The following VPS13B variants were observed in gnomAD, a reference collection of about 807,000 sequenced individuals.
VPS13B encodes intermembrane lipid transfer protein VPS13B.
VPS13B carries 285 observed loss-of-function variants against 426.4 expected under a neutral mutation model. The ratio of observed to expected loss-of-function variants is 0.67; its 90% CI spans 0.61 to 0.74. The LOEUF (loss-of-function observed/expected upper bound fraction) is 0.74, where lower values mean the gene tolerates loss of function less well. Ranked by LOEUF, VPS13B falls within the 30% of genes least tolerant of loss-of-function variation. The probability of loss-of-function intolerance (pLI) is 0.00; values close to 1 mark genes in which losing one functional copy is unlikely to be tolerated. For synonymous variants in VPS13B, 1,676 were observed against 1,676.4 expected (o/e 1.00, Z 0.01); for missense variants, 4,537 against 4,782.6 (o/e 0.95, Z 1.51).
chr8:99,442,308 CT>C (rs1563732356), intron 22 of VPS13B, 92 bp from the exon 23 acceptor site: 5 of 1,072,436 alleles, frequency 4.7e-6, no homozygotes, highest in Non-Finnish European at 7.1e-6. Context: ...GGAACATTTA[CT>C]TTTTTTGGTT....
At chr8:99,620,019 G>T (rs1385169329) in intron 33 of VPS13B, among the ~76,000 whole-genome samples, 1 of 151,810 alleles carries the variant, frequency 6.6e-6, no homozygotes, top group Non-Finnish European at 1.5e-5. Context: ...ATAAGTGAAA[G>T]TTCCTTTTTC....
At chr8:99,485,280 A>G (rs1820242316) in intron 25 of VPS13B, among the ~76,000 whole-genome samples, 1 of 152,258 alleles carries the variant, frequency 6.6e-6, no homozygotes, top group South Asian at 2.1e-4. Context: ...TCATTTTGTT[A>G]TAACAAGAGA....
At chr8:99,249,890 C>T (rs1425599530) in intron 17 of VPS13B, among the ~76,000 whole-genome samples, 1 of 151,724 alleles carries the variant, frequency 6.6e-6, no homozygotes, top group Non-Finnish European at 1.5e-5. Flanking sequence ...GCCTGGGTGA[C>T]AGAGGAAGAC....
chr8:99,384,436 C>A, intron 20 of VPS13B, 119 bp downstream of exon 20: 1 of 776,684 alleles, frequency 1.3e-6, no homozygotes, highest in Non-Finnish European at 2.1e-6. Flanking sequence ...TCCTTTGTCT[C>A]CCCACCTTAC....
At chr8:99,735,594 C>A (rs1462660906) in intron 39 of VPS13B, among the ~76,000 whole-genome samples, 2 of 152,156 alleles carry the variant, frequency 1.3e-5, no homozygotes, top group African/African-American at 4.8e-5. Flanking sequence ...TATGGCCCTA[C>A]TGACACCTCA....
At chr8:99,849,532 A>G (rs1215437258) in intron 55 of VPS13B, among the ~76,000 whole-genome samples, 5 of 152,238 alleles carry the variant, frequency 3.3e-5, no homozygotes, top group Admixed American at 3.3e-4. Context: ...TGGTGAAAGT[A>G]TAAATTGGTA....
At chr8:99,698,267 T>C (rs1457215343) in intron 35 of VPS13B, among the ~76,000 whole-genome samples, 2 of 152,222 alleles carry the variant, frequency 1.3e-5, no homozygotes, top group East Asian at 3.8e-4. Flanking sequence ...TGCAGCTGCC[T>C]GACTCCAGAG....
chr8:99,621,071 C>G (rs987926805), intron 33 of VPS13B, among the ~76,000 whole-genome samples: 12 of 150,738 alleles, frequency 8.0e-5, no homozygotes, highest in East Asian at 1.9e-4. Flanking sequence ...ATAAATCTTG[C>G]AGACTCCTTT....
chr8:99,706,624 T>A (rs1456879511), intron 36 of VPS13B, among the ~76,000 whole-genome samples: 1 of 152,150 alleles, frequency 6.6e-6, no homozygotes, highest in East Asian at 1.9e-4. Context: ...AATTCCAAAT[T>A]TAATCTAGAC....
intron 33 of VPS13B, among the ~76,000 whole-genome samples, chr8:99,579,739 T>G (rs1403966057): frequency 6.7e-6 from 1 of 149,878 alleles, no homozygotes; most frequent in African/African-American, 2.5e-5. Context: ...GGAGTCTCAC[T>G]CTGTTGCCCA....
intron 19 of VPS13B, among the ~76,000 whole-genome samples, chr8:99,311,312 T>C (rs1437676566): frequency 6.6e-6 from 1 of 152,230 alleles, no homozygotes; most frequent in Non-Finnish European, 1.5e-5. Context: ...CATTTAGTGC[T>C]ATAAATTTCC....
intron 35 of VPS13B, among the ~76,000 whole-genome samples, chr8:99,672,556 A>G (rs1830759905): frequency 6.6e-6 from 1 of 152,122 alleles, no homozygotes; most frequent in Non-Finnish European, 1.5e-5. Flanking sequence ...TTTTCTATAT[A>G]TAAGAAAACC....
chr8:99,798,198 T>C (rs1319790387), intron 43 of VPS13B, among the ~76,000 whole-genome samples: 1 of 151,502 alleles, frequency 6.6e-6, no homozygotes, highest in East Asian at 1.9e-4. Flanking sequence ...GCATTTTTAT[T>C]TCAGTTTTAA....
At chr8:99,403,990 A>T (rs1269663105) in intron 21 of VPS13B, among the ~76,000 whole-genome samples, 1 of 152,206 alleles carries the variant, frequency 6.6e-6, no homozygotes. Flanking sequence ...TTTTAAACAC[A>T]GGGTTTATTC....
chr8:99,260,915 A>G (rs1039420353), intron 17 of VPS13B, among the ~76,000 whole-genome samples: 3 of 152,080 alleles, frequency 2.0e-5, no homozygotes, highest in Non-Finnish European at 2.9e-5. Flanking sequence ...TAAGCTTGTA[A>G]TGGAACAAGT....
chr8:99,136,850 A>G (rs781057237), intron 12 of VPS13B, 98 bp downstream of exon 12: 56 of 1,148,354 alleles, frequency 4.9e-5, no homozygotes, highest in Admixed American at 3.7e-4. Context: ...ACTCTGCTAC[A>G]TAAGATTTAT....
intron 24 of VPS13B, among the ~76,000 whole-genome samples, chr8:99,469,538 G>C (rs1819289662): frequency 6.6e-6 from 1 of 151,954 alleles, no homozygotes; most frequent in Non-Finnish European, 1.5e-5. Flanking sequence ...CAGTTTAATG[G>C]CTATTTGCCT....
intron 30 of VPS13B, among the ~76,000 whole-genome samples, chr8:99,552,582 T>G (rs929898373): frequency 4.1e-4 from 63 of 151,890 alleles, no homozygotes; most frequent in East Asian, 3.9e-4. Context: ...ATTTTGTTTT[T>G]TTTTTTTTCC....
At chr8:99,423,423 A>ATTTTTTTTTTT (rs202230044) in intron 21 of VPS13B, among the ~76,000 whole-genome samples, 1 of 138,412 alleles carries the variant, frequency 7.2e-6, no homozygotes. Flanking sequence ...CATCTAGCTA[A>ATTTTTTTTTTT]TTTTTTTTTT....
Sources: allele counts gnomAD v4.1 joint callset (sites outside exome capture counted in the v4.1 genomes callset), GRCh38; gene constraint gnomAD v4.1.1; transcripts MANE v1.5; gene names NCBI Gene and HGNC (gene_info 2026-07-23, HGNC 2026-07-21).